Variants in OLFM4 observed in about 807,000 individuals in gnomAD.
OLFM4 encodes olfactomedin 4, also known as olfactomedin-4.
In OLFM4, 22 loss-of-function variants were observed where a neutral mutation model predicts 25.5. The ratio of observed to expected loss-of-function variants is 0.86; its 90% CI spans 0.62 to 1.23. OLFM4 has a LOEUF of 1.23. OLFM4 is among the 50% of genes most tolerant of loss of function. The pLI is 0.00. For missense variants in OLFM4, 594 were observed against 619.4 expected (o/e 0.96, Z 0.44); for synonymous variants, 255 against 237.7 (o/e 1.07, Z -0.67).
chr13:53,030,459 C>T (rs536890525), intron 1 of OLFM4, among the ~76,000 whole-genome samples: 42 of 152,224 alleles, frequency 2.8e-4, no homozygotes, highest in African/African-American at 8.9e-4. Flanking sequence ...CCCGCCACCA[C>T]GCCTGGCTAA....
intron 4 of OLFM4, among the ~76,000 whole-genome samples, chr13:53,045,909 T>C (rs973325046): frequency 6.6e-6 from 1 of 152,194 alleles, no homozygotes; most frequent in African/African-American, 2.4e-5. Flanking sequence ...TGAATCTAAA[T>C]GACTGTATAT....
chr13:53,035,350 A>G (rs1954652985), intron 2 of OLFM4, among the ~76,000 whole-genome samples: 1 of 151,580 alleles, frequency 6.6e-6, no homozygotes. Context: ...AGGTGTATGT[A>G]TTAATGGGGT....
intron 1 of OLFM4, among the ~76,000 whole-genome samples, chr13:53,033,914 G>A (rs1336711719): frequency 1.1e-5 from 1 of 91,644 alleles, no homozygotes; most frequent in South Asian, 4.4e-4. Flanking sequence ...CAAAAAATTA[G>A]CCAGGCGTGG....
chr13:53,042,315 G>T (rs1382976589), intron 3 of OLFM4, among the ~76,000 whole-genome samples, 193 bp downstream of exon 3: 4 of 152,190 alleles, frequency 2.6e-5, no homozygotes, highest in Admixed American at 2.0e-4. Flanking sequence ...AGCACATTGG[G>T]AATGTGCTGA....
chr13:53,033,788 C>T (rs1052908811), intron 1 of OLFM4, among the ~76,000 whole-genome samples: 2 of 152,214 alleles, frequency 1.3e-5, no homozygotes, highest in African/African-American at 4.8e-5. Flanking sequence ...TGGCCGGGCG[C>T]GGTGGCTCAC....
rs561618581 is a variant in OLFM4, at chr13:53,044,635, GC to G, written c.730+1373del. ...TAGAATCCTGCCCCAGAATGAAATG[GC>G]CTTTCAACTTCTCCAGAAAGGAGGT... is the stretch of plus-strand genomic sequence containing the variant. On this transcript the variant is annotated intron_variant, in intron 4 of 4. Transcript: ENST00000219022. Among the ~76,000 whole-genome samples, 315 of 152,172 alleles carry G rather than the reference GC, an allele frequency of 2.1e-3. 2 individuals are homozygous for G. The highest frequency in any genetic ancestry group is 4.0e-3 in the Non-Finnish European group (274 of 67,998).
At chr13:53,047,085 T>A (rs754695848) in intron 4 of OLFM4, among the ~76,000 whole-genome samples, 1 of 152,242 alleles carries the variant, frequency 6.6e-6, no homozygotes, top group Non-Finnish European at 1.5e-5. Context: ...GTGCTGTGTG[T>A]TCTCTTCCAC....
chr13:53,045,381 C>T (rs1319941666), intron 4 of OLFM4, among the ~76,000 whole-genome samples: 2 of 152,156 alleles, frequency 1.3e-5, no homozygotes, highest in Non-Finnish European at 2.9e-5. Context: ...AGCCACTTGG[C>T]TCTCTTCCAG....
intron 4 of OLFM4, among the ~76,000 whole-genome samples, chr13:53,048,673 C>T (rs1396171080): frequency 6.6e-6 from 1 of 152,172 alleles, no homozygotes; most frequent in Non-Finnish European, 1.5e-5. Flanking sequence ...CTTTGGAGCT[C>T]TGCTTTTGGC....
In OLFM4 at chr13:53,042,017, C is replaced by A. The variant is rs375784295; in HGVS notation, c.465C>A (p.Asp155Glu). 19 of 1,613,874 alleles carry A rather than the reference C, an allele frequency of 1.2e-5. No homozygotes were observed. Among genetic ancestry groups the A allele is most frequent in the Non-Finnish European group, 1.5e-5 (18 of 1,179,940 alleles). Residue 155 changes from aspartate to glutamate, a missense_variant, in exon 3 of 5, where the codon GAC (aspartate) becomes GAA (glutamate). Transcript: ENST00000219022. The stretch of plus-strand genomic sequence containing the variant: ...ATACCATTTCTTACACTGAACTGGA[C>A]TTCGAGCTGATCAAGGTAGAAGTGA... ...EKDTISYTELDFELIKVEVKE... is the reference protein window; with the variant it reads ...EKDTISYTELEFELIKVEVKE...
At chr13:53,029,269 T>G (rs1027149455) in intron 1 of OLFM4, among the ~76,000 whole-genome samples, 1 of 152,218 alleles carries the variant, frequency 6.6e-6, no homozygotes, top group South Asian at 2.1e-4. Flanking sequence ...TGGGAATATC[T>G]ATGCTTTAGA....
At chr13:53,036,295 A>T (rs903283642) in intron 2 of OLFM4, among the ~76,000 whole-genome samples, 10 of 152,254 alleles carry the variant, frequency 6.6e-5, no homozygotes, top group Admixed American at 6.5e-5. Context: ...CAGCATAATC[A>T]AGTACAGATA....
At chr13:53,043,668 T>C (rs954121186) in intron 4 of OLFM4, among the ~76,000 whole-genome samples, 5 of 152,212 alleles carry the variant, frequency 3.3e-5, no homozygotes, top group Admixed American at 6.5e-5. Flanking sequence ...ACTTATCTGA[T>C]GAGCTGGGTT....
intron 4 of OLFM4, 84 bp downstream of exon 4, chr13:53,043,348 A>T: frequency 5.4e-6 from 5 of 918,522 alleles, no homozygotes; most frequent in South Asian, 3.3e-5. Flanking sequence ...GGGGATTGCA[A>T]TGGTGAAAGA....
chr13:53,037,714 A>G (rs1273891756), intron 2 of OLFM4, among the ~76,000 whole-genome samples: 1 of 152,202 alleles, frequency 6.6e-6, no homozygotes, highest in Admixed American at 6.5e-5. Context: ...AGTACTTTAT[A>G]TGTCTTTACA....
At chr13:53,043,374 T>C (rs1954698419) in intron 4 of OLFM4, 110 bp downstream of exon 4, 1 of 798,228 alleles carries the variant, frequency 1.3e-6, no homozygotes, top group Admixed American at 3.6e-5. Context: ...GTGGGTTGTT[T>C]TTTTTTTTTT....
chr13:53,028,960 T>C lies in OLFM4; in HGVS notation c.124T>C (p.Ser42Pro). ...CTTCAGCTCTTTCCCAGGTGTTGAC[T>C]CCAGCTCCAGCTTCAGCTCCAGCTC... The part of the protein sequence containing the change: ...PGFSSFPGVD[S>P]SSSFSSSSRS... Residue 42 changes from serine to proline, a missense_variant, in exon 1 of 5, where the codon TCC (serine) becomes CCC (proline). Ser to Pro is a moderately conservative substitution (Grantham distance 74). Coordinates refer to ENST00000219022, the MANE Select transcript of OLFM4 (RefSeq NM_006418.5). The C allele has an allele frequency of 6.2e-7, 1 of 1,613,938 alleles. No homozygotes were observed. Among genetic ancestry groups the C allele is most frequent in the Non-Finnish European group, 8.5e-7 (1 of 1,179,820 alleles).
At position 53,041,988 on chromosome 13, in the gene OLFM4, A is replaced by C. The variant is rs1405858486; in HGVS notation, c.436A>C (p.Lys146Gln). ...AACTGTCCGAATTGACATCATGGAG[A>C]AGGATACCATTTCTTACACTGAACT... ...NLTVRIDIME[K>Q]DTISYTELDF... Residue 146 changes from lysine to glutamine, a missense_variant, in exon 3 of 5, where the codon AAG becomes CAG. Transcript: ENST00000219022. 1 of 1,614,002 alleles carries C rather than the reference A, an allele frequency of 6.2e-7. No homozygotes were observed. The highest frequency in any genetic ancestry group is 2.2e-5 in the East Asian group (1 of 44,874).
chr13:53,043,309 G>A, intron 4 of OLFM4, 45 bp downstream of exon 4: 4 of 1,474,112 alleles, frequency 2.7e-6, no homozygotes, highest in East Asian at 2.4e-5. Flanking sequence ...GACCCCATAA[G>A]GAGCTGTGAG....
Sources: allele counts gnomAD v4.1 joint callset (sites outside exome capture counted in the v4.1 genomes callset), GRCh38; gene constraint gnomAD v4.1.1; transcripts MANE v1.5; gene names NCBI Gene and HGNC (gene_info 2026-07-23, HGNC 2026-07-21).